Variants in OPTN observed in about 807,000 individuals in gnomAD.
The protein encoded by OPTN is E3-14.7K-interacting protein.
OPTN carries 54 observed loss-of-function variants against 70.4 expected under a neutral mutation model. The ratio of observed to expected loss-of-function variants is 0.77; its 90% CI spans 0.62 to 0.96. OPTN has a LOEUF of 0.96. OPTN is among the 40% of genes least tolerant of loss of function. The probability of loss-of-function intolerance (pLI) is 0.00; values close to 1 mark genes in which losing one functional copy is unlikely to be tolerated. For missense variants in OPTN, 624 were observed against 673.2 expected, an observed-to-expected ratio of 0.93 and a Z score of 0.81; for synonymous variants, 256 against 248.5, an observed-to-expected ratio of 1.03 and a Z score of -0.28.
intron 5 of OPTN, among the ~76,000 whole-genome samples, chr10:13,115,450 T>G (rs1389075690): frequency 9.8e-5 from 10 of 101,632 alleles, no homozygotes; most frequent in African/African-American, 4.3e-4. Flanking sequence ...ATATAATATA[T>G]TCTATATTAT....
rs555282332 is a variant in OPTN at position 13,135,294 on chromosome 10, G to A, written c.1613-1451G>A. ...TTGTATGGATCCAGGACCTAGCTAG[G>A]GTCAGGGCTTATTTCGAACATGCTC... On this transcript the variant is annotated intron_variant, in intron 14 of 14. Transcript: ENST00000378747. Among the ~76,000 whole-genome samples, 8 of 152,086 alleles carry A rather than the reference G, an allele frequency of 5.3e-5. No individual in the cohort carries two copies. In the South Asian group the frequency reaches 1.7e-3, roughly 32 times the overall value.
intron 8 of OPTN, 35 bp downstream of exon 8, chr10:13,122,522 CA>C: frequency 3.7e-6 from 5 of 1,360,266 alleles, no homozygotes; most frequent in Non-Finnish European, 5.3e-6. Context: ...CTACCACACC[CA>C]CACACACGAG....
rs1190692929 is a variant in OPTN, at chr10:13,137,917, G to A, written c.*1051G>A. The A allele has an allele frequency of 4.5e-6, 1 of 219,990 alleles. No homozygotes were observed. Among genetic ancestry groups the A allele is most frequent in the Non-Finnish European group, 9.1e-6 (1 of 109,928 alleles). 13.6% of individuals were successfully genotyped at this position (219,990 alleles called of 1,614,324 possible). On this transcript the variant is annotated 3_prime_UTR_variant, in exon 15 of 15. Transcript: ENST00000378747. ...GAACAGCTGCCTATTTTCTTCCTAG[G>A]TTAGGTTATATCTTCATAATCACAA...
Position 13,112,486 on chromosome 10 carries a change from G to T in OPTN, c.403G>T (p.Glu135Ter), listed in dbSNP as rs140599944. 17 of 1,614,006 alleles carry T rather than the reference G, an allele frequency of 1.1e-5. No individual in the cohort carries two copies. Among genetic ancestry groups the T allele is most frequent in the Admixed American group, 1.7e-5 (1 of 59,998 alleles). The part of the protein sequence containing the change: ...PTDDSRLPRA[E>*]AEQEKDQLRT... ...TGATGACTCCAGGCTTCCCAGGGCCGAAGCGGAGCAGGAAAAGGACCAGCT... is the reference window on the plus strand; with the variant it reads ...TGATGACTCCAGGCTTCCCAGGGCCTAAGCGGAGCAGGAAAAGGACCAGCT... Residue 135 changes from glutamate (E) to a stop codon, truncating the protein, a stop_gained, in exon 5 of 15, where the codon GAA (glutamate) becomes TAA (stop). Coordinates refer to ENST00000378747, the MANE Select transcript of OPTN (RefSeq NM_001008212.2). LOFTEE classifies it high-confidence loss of function.
intron 6 of OPTN, chr10:13,116,586 C>T: frequency 1.8e-6 from 1 of 551,002 alleles, no homozygotes; most frequent in Non-Finnish European, 3.3e-6. Flanking sequence ...GTCTCACCTC[C>T]AGCAGATGAA....
intron 1 of OPTN, among the ~76,000 whole-genome samples, chr10:13,102,609 C>T (rs1010144392): frequency 1.3e-5 from 2 of 152,194 alleles, no homozygotes; most frequent in Non-Finnish European, 2.9e-5. Context: ...AGGGCCTGAA[C>T]TAAGCCTGTG....
intron 1 of OPTN, chr10:13,104,798 C>T (rs113137393): frequency 1.4e-5 from 7 of 505,978 alleles, no homozygotes; most frequent in African/African-American, 6.1e-5. Context: ...GAACATGATG[C>T]TATTCGAGAT....
At chr10:13,129,113 C>G (rs1006240426) in intron 12 of OPTN, among the ~76,000 whole-genome samples, 1 of 152,076 alleles carries the variant, frequency 6.6e-6, no homozygotes, top group Non-Finnish European at 1.5e-5. Flanking sequence ...GATGTACAAA[C>G]CATTTGAAAT....
chr10:13,128,008 A>G, intron 12 of OPTN, 105 bp downstream of exon 12: 1 of 1,355,668 alleles, frequency 7.4e-7, no homozygotes, highest in Non-Finnish European at 1.0e-6. Context: ...TATTTTATAT[A>G]TTTTTTCACC....
intron 5 of OPTN, among the ~76,000 whole-genome samples, chr10:13,115,459 A>C (rs1228776470): frequency 9.5e-6 from 1 of 105,262 alleles, no homozygotes; most frequent in African/African-American, 4.5e-5. Flanking sequence ...ATTCTATATT[A>C]TATAATATAG....
At chr10:13,111,414 T>C (rs1832991695) in intron 4 of OPTN, among the ~76,000 whole-genome samples, 1 of 152,170 alleles carries the variant, frequency 6.6e-6, no homozygotes, top group Admixed American at 6.5e-5. Flanking sequence ...AAATAAATCG[T>C]GGGCTAGGCA....
In OPTN at chr10:13,122,383, AG is replaced by A; in HGVS notation, c.780-1del. 1 of 1,605,658 alleles carries A rather than the reference AG, an allele frequency of 6.2e-7. No homozygotes were observed. The highest frequency in any genetic ancestry group is 8.5e-7 in the Non-Finnish European group (1 of 1,172,274). On this transcript the variant is annotated splice_acceptor_variant, in intron 7 of 14. Coordinates refer to ENST00000378747, the MANE Select transcript of OPTN (RefSeq NM_001008212.2). LOFTEE classifies it high-confidence loss of function. ...ACTTTTCTATCTTCTGTGATTTTCC[AG>A]AGTTTCAGATTTTGAAAAGAAAACA...
chr10:13,114,889 T>C (rs1354312697), intron 5 of OPTN, among the ~76,000 whole-genome samples: 1 of 88,964 alleles, frequency 1.1e-5, no homozygotes, highest in African/African-American at 4.4e-5. Context: ...TTATATACAC[T>C]TACATATGTA....
chr10:13,124,681 T>C (rs779884181), intron 9 of OPTN, among the ~76,000 whole-genome samples: 5 of 152,236 alleles, frequency 3.3e-5, no homozygotes, highest in Non-Finnish European at 7.3e-5. Flanking sequence ...GTGTGTTTTC[T>C]TGAGGTTATA....
rs1358525497 is a variant in OPTN, at chr10:13,114,800, ATAC to A, written c.553-1466_553-1464del. 1.2e-3 allele frequency among the ~76,000 whole-genome samples: 22 copies of A among 17,730 alleles called. 2 individuals carry two copies. The highest frequency in any genetic ancestry group is 0.083 in the Middle Eastern group (1 of 12). The allele number at this position is 17,730 out of a possible 152,430, so 11.6% of individuals were successfully genotyped here. ...TAATTATATAATTATATAATTATAT[ATAC>A]ATATATATAATTATATAATTATATA... On this transcript the variant is annotated intron_variant, in intron 5 of 14. Transcript: ENST00000378747.
intron 6 of OPTN, chr10:13,116,648 A>C (rs1276566459): frequency 2.3e-6 from 1 of 432,128 alleles, no homozygotes; most frequent in Non-Finnish European, 4.3e-6. Flanking sequence ...TCCTAATCAA[A>C]GACATGTTTG....
At chr10:13,122,866 A>G (rs1016450595) in intron 8 of OPTN, 9 of 299,806 alleles carry the variant, frequency 3.0e-5, no homozygotes, top group South Asian at 3.0e-4. Context: ...TAATACAGAC[A>G]GGGTTTCACC....
rs143437860 is a variant in OPTN, at chr10:13,116,320, G to A, written c.606G>A (p.Thr202=). The A allele has an allele frequency of 8.6e-5, 138 of 1,613,654 alleles. No homozygotes were observed. The African/African-American group carries it at 1.3e-3, about 15-fold the overall frequency. ...VKEIKHSPGP[T]RTVSTGTALS... ...AAATCAAGCATAGTCCTGGGCCCAC[G>A]AGAACAGTCTCCACTGGCACGTATG... The change falls in exon 6 of 15, where the codon ACG becomes ACA. Residue 202 remains threonine (T), a synonymous_variant. Transcript: ENST00000378747.
rs1387724032 is a variant in OPTN, at chr10:13,132,090, T to G, written c.1425T>G (p.Phe475Leu). 1 of 1,613,168 alleles carries G rather than the reference T, an allele frequency of 6.2e-7. No individual in the cohort carries two copies. Among genetic ancestry groups the G allele is most frequent in the Non-Finnish European group, 8.5e-7 (1 of 1,179,390 alleles). Residue 475 changes from phenylalanine to leucine, a missense_variant, in exon 13 of 15, where the codon TTT becomes TTG. Phe to Leu is a conservative substitution (Grantham distance 22, BLOSUM62 0). Coordinates refer to ENST00000378747, the MANE Select transcript of OPTN (RefSeq NM_001008212.2). Reference sequence around the variant, plus strand: ...AGATGGAAGTTTACTGTTCTGATTTTCATGCTGAAAGAGCAGCGAGAGAGA... The same window carrying G: ...AGATGGAAGTTTACTGTTCTGATTTGCATGCTGAAAGAGCAGCGAGAGAGA... ...RAQMEVYCSD[F>L]HAERAAREKI... is the part of the protein sequence containing the mutation.
Sources: allele counts gnomAD v4.1 joint callset (sites outside exome capture counted in the v4.1 genomes callset), GRCh38; gene constraint gnomAD v4.1.1; transcripts MANE v1.5; gene names NCBI Gene and HGNC (gene_info 2026-07-23, HGNC 2026-07-21).